Variants in TNRC6B observed in about 807,000 individuals in gnomAD.
The protein encoded by TNRC6B is trinucleotide repeat-containing gene 6B protein.
In TNRC6B, 52 loss-of-function variants were observed where a neutral mutation model predicts 203.6. The ratio of observed to expected loss-of-function variants is 0.26; its 90% confidence interval spans 0.20 to 0.32. TNRC6B has a LOEUF of 0.32. TNRC6B is among the 10% of genes least tolerant of loss of function. The pLI, the probability that TNRC6B is intolerant of heterozygous loss-of-function variation, is 1.00. For synonymous variants in TNRC6B, 838 were observed against 845.7 expected (o/e 0.99, Z 0.16); for missense variants, 1,923 against 2,286.2 (o/e 0.84, Z 3.24).
At chr22:40,055,299 G>A (rs1032341734) in intron 1 of TNRC6B, among the ~76,000 whole-genome samples, 1 of 152,168 alleles carries the variant, frequency 6.6e-6, no homozygotes, top group African/African-American at 2.4e-5. Context: ...AACACGATGG[G>A]GAGGTTGAGA....
Position 40,045,167 on chromosome 22 carries a change from GCGGGGAGCGGGC to G in TNRC6B, c.-121+177_-121+188del, listed in dbSNP as rs988334667. On this transcript the variant is annotated intron_variant, in intron 1 of 23. Transcript: ENST00000301923. The stretch of plus-strand genomic sequence containing the variant: ...GTCCTCGCGAGGGAGCGCGCGTGGG[GCGGGGAGCGGGC>G]CGGGGAGGGGGCGTGAGCGCGCGCG... 1.4e-4 allele frequency among the ~76,000 whole-genome samples: 20 copies of G among 145,374 alleles called. 2 individuals carry two copies. The highest frequency in any genetic ancestry group is 1.0e-3 in the Admixed American group (15 of 14,722).
rs1235275368 is a variant in TNRC6B at position 40,324,863 on chromosome 22, T to G, written c.*1622T>G. On this transcript the variant is annotated 3_prime_UTR_variant, in exon 23 of 23. Transcript: ENST00000454349. ...TTTTTTAATTTCGGTATTTAAATAC[T>G]TTTTTTTTTTTTTAAGCATCAATGT... 3 of 144,272 alleles carry G rather than the reference T, an allele frequency of 2.1e-5. No homozygotes were observed. Among genetic ancestry groups the G allele is most frequent in the African/African-American group, 7.6e-5 (3 of 39,576 alleles). The allele number at this position is 144,272 out of a possible 1,614,324, so 8.9% of individuals were successfully genotyped here.
intron 1 of TNRC6B, among the ~76,000 whole-genome samples, chr22:40,067,613 G>A (rs1290255464): frequency 2.6e-5 from 4 of 152,134 alleles, no homozygotes; most frequent in African/African-American, 9.7e-5. Flanking sequence ...GTCCAAGGCT[G>A]AAGGCCTGAG....
intron 1 of TNRC6B, among the ~76,000 whole-genome samples, chr22:40,226,891 G>A (rs963128517): frequency 7.9e-5 from 12 of 151,924 alleles, no homozygotes; most frequent in Non-Finnish European, 1.5e-4. Context: ...AGAGGCAGGA[G>A]GCCTCCTAGA....
chr22:40,051,702 C>G lies in TNRC6B; in HGVS notation c.-121+6704C>G, dbSNP rs551852090. On this transcript the variant is annotated intron_variant, in intron 1 of 23. Coordinates refer to the TNRC6B transcript ENST00000301923. Reference sequence around the variant, plus strand: ...GTTATTTAAAGTTTCTGGACTAGCACTGTCCAATAGAAATAGAATGTAAGC... The same window carrying G: ...GTTATTTAAAGTTTCTGGACTAGCAGTGTCCAATAGAAATAGAATGTAAGC... Among the ~76,000 whole-genome samples the G allele has an allele frequency of 4.6e-5, 7 of 152,258 alleles. No homozygotes were observed. The South Asian group carries it at 1.5e-3, about 32-fold the overall frequency.
chr22:40,096,367 C>T (rs927934336), intron 1 of TNRC6B, among the ~76,000 whole-genome samples: 4 of 152,162 alleles, frequency 2.6e-5, no homozygotes, highest in East Asian at 1.9e-4. Flanking sequence ...TCCCACATAG[C>T]GTTACCTCTT....
At chr22:40,131,317 G>C (rs1232785770) in intron 3 of TNRC6B, among the ~76,000 whole-genome samples, 1 of 152,086 alleles carries the variant, frequency 6.6e-6, no homozygotes, top group African/African-American at 2.4e-5. Flanking sequence ...TTCTTGGAGA[G>C]AGATGTTTAT....
At chr22:40,264,604 G>C in intron 4 of TNRC6B, 84 bp from the exon 5 acceptor site, 22 of 1,420,114 alleles carry the variant, frequency 1.5e-5, no homozygotes, top group Non-Finnish European at 2.1e-5. Context: ...CCTAAGGGCA[G>C]AGCTCAAAGG....
At chr22:40,211,313 C>T (rs1461000006) in intron 1 of TNRC6B, among the ~76,000 whole-genome samples, 2 of 152,120 alleles carry the variant, frequency 1.3e-5, no homozygotes, top group African/African-American at 4.8e-5. Context: ...CTCCTGGACT[C>T]AAGCGATTCT....
intron 1 of TNRC6B, among the ~76,000 whole-genome samples, chr22:40,094,409 G>T (rs954412138): frequency 3.9e-5 from 6 of 152,062 alleles, no homozygotes; most frequent in African/African-American, 1.4e-4. Flanking sequence ...TCTCAAAATT[G>T]ATGAAATATA....
chr22:40,332,438 TG>T lies in TNRC6B; in HGVS notation c.*9198del, dbSNP rs1163589307. On this transcript the variant is annotated 3_prime_UTR_variant, in exon 23 of 23. Coordinates refer to ENST00000454349, the MANE Select transcript of TNRC6B (RefSeq NM_001162501.2). ...ATTCCTTTGTTGATCTTGCCTGTGA[TG>T]AATCATAGCGCCTGCATTGCTCTGG... The T allele has an allele frequency of 6.5e-6, 1 of 152,692 alleles. No homozygotes were observed. Among genetic ancestry groups the T allele is most frequent in the Non-Finnish European group, 1.5e-5 (1 of 68,050 alleles). 9.5% of individuals were successfully genotyped at this position (152,692 alleles called of 1,614,324 possible). A position where few individuals can be genotyped will look rare whatever the true frequency, so the allele number is the denominator to read the frequency against.
intron 3 of TNRC6B, among the ~76,000 whole-genome samples, chr22:40,139,363 T>C (rs1010964292): frequency 2.0e-5 from 3 of 149,220 alleles, no homozygotes; most frequent in African/African-American, 7.4e-5. Flanking sequence ...AGTCTTGCTC[T>C]ATGGCCCAGG....
intron 1 of TNRC6B, among the ~76,000 whole-genome samples, chr22:40,208,202 G>A (rs1199050492): frequency 6.6e-6 from 1 of 152,056 alleles, no homozygotes; most frequent in Non-Finnish European, 1.5e-5. Context: ...TTTCTGGTGG[G>A]AGTGTAAATT....
chr22:40,277,117 C>G lies in TNRC6B; in HGVS notation c.3182C>G (p.Pro1061Arg), dbSNP rs1460744658. The G allele has an allele frequency of 6.2e-7, 1 of 1,607,744 alleles. No homozygotes were observed. Among genetic ancestry groups the G allele is most frequent in the Non-Finnish European group, 8.5e-7 (1 of 1,177,798 alleles). ...KGGNNDSWMN[P>R]LAKQFSNMGL... ...GGAAACAATGATTCATGGATGAATC[C>G]TCTTGCCAAACAGTTTTCAAATATG... Residue 1061 changes from proline (P) to arginine (R), a missense_variant, in exon 8 of 23, where the codon CCT (proline) becomes CGT (arginine). By Grantham distance (103) the Pro-to-Arg change is moderately radical. Transcript: ENST00000454349.
chr22:40,219,156 C>T (rs1181603004), intron 1 of TNRC6B, among the ~76,000 whole-genome samples: 1 of 152,230 alleles, frequency 6.6e-6, no homozygotes, highest in Non-Finnish European at 1.5e-5. Context: ...GTTCCTCTCC[C>T]TGGGAGACCG....
intron 1 of TNRC6B, chr22:40,106,941 G>A: frequency 9.1e-7 from 1 of 1,104,208 alleles, no homozygotes; most frequent in Non-Finnish European, 1.4e-6. Flanking sequence ...GCCCTTTGAA[G>A]CATCTTTTGG....
chr22:40,292,739 T>G (rs570056558), intron 12 of TNRC6B, among the ~76,000 whole-genome samples: 1 of 152,230 alleles, frequency 6.6e-6, no homozygotes. Flanking sequence ...TCTGTATTCT[T>G]TGGAGAGGGG....
At chr22:40,093,445 T>C (rs919092926) in intron 1 of TNRC6B, among the ~76,000 whole-genome samples, 1 of 152,156 alleles carries the variant, frequency 6.6e-6, no homozygotes, top group African/African-American at 2.4e-5. Flanking sequence ...ATCGTCTGAA[T>C]CAGGAAGCTC....
At chr22:40,229,711 A>T (rs1658440212) in intron 1 of TNRC6B, among the ~76,000 whole-genome samples, 1 of 152,152 alleles carries the variant, frequency 6.6e-6, no homozygotes, top group African/African-American at 2.4e-5. Flanking sequence ...GGAATTGTTC[A>T]GTAGGTACTC....
Sources: gnomAD v4.1 joint callset for allele counts (sites outside exome capture counted in the v4.1 genomes callset) on GRCh38, gnomAD v4.1.1 for gene constraint, MANE v1.5 for transcripts, NCBI Gene and HGNC (gene_info 2026-07-23, HGNC 2026-07-21) for gene names.